The following ST3GAL3 variants were observed in gnomAD, a reference collection of about 807,000 sequenced individuals.
ST3GAL3 encodes ST3 beta-galactoside alpha-2,3-sialyltransferase 3.
In ST3GAL3, 21 loss-of-function variants were observed where a neutral mutation model predicts 50.1. That is an observed-to-expected ratio of 0.42 (90% CI 0.30 to 0.60). The LOEUF (loss-of-function observed/expected upper bound fraction) is 0.60, where lower values mean the gene tolerates loss of function less well. Ranked by LOEUF, ST3GAL3 falls within the 20% of genes least tolerant of loss-of-function variation. The pLI is 0.19. For synonymous variants in ST3GAL3, 183 were observed against 190.0 expected (o/e 0.96, Z 0.30); for missense variants, 353 against 489.4 (o/e 0.72, Z 2.63).
intron 2 of ST3GAL3, among the ~76,000 whole-genome samples, chr1:43,771,603 C>T (rs986921320): frequency 2.0e-5 from 3 of 152,074 alleles, no homozygotes; most frequent in Admixed American, 6.6e-5. Context: ...GTGATCTGCC[C>T]GCCTCGGCCT....
intron 5 of ST3GAL3, among the ~76,000 whole-genome samples, chr1:43,843,223 T>TA (rs1204850314): frequency 1.1e-4 from 17 of 152,252 alleles, no homozygotes; most frequent in Non-Finnish European, 1.6e-4. Flanking sequence ...TTTTCATAGA[T>TA]ACCATTTTTT....
In ST3GAL3 at chr1:43,899,694, G is replaced by A. The variant is rs763616499; in HGVS notation, c.711G>A (p.Lys237=). Residue 237 remains lysine, a synonymous_variant, in exon 9 of 12, where the codon AAG becomes AAA. Coordinates refer to ENST00000347631, the MANE Select transcript of ST3GAL3 (RefSeq NM_006279.5). This position sits in a 1 kb window ranked among gnomAD's most constrained non-coding sequence, Gnocchi z 5.4. ...VLAGFKWQDF[K]WLKYIVYKER... ...CCGGCTTCAAGTGGCAGGACTTTAAGTGGTTGAAATACATCGTCTACAAGG... is the reference window on the plus strand; with the variant it reads ...CCGGCTTCAAGTGGCAGGACTTTAAATGGTTGAAATACATCGTCTACAAGG... 9.3e-6 allele frequency: 15 copies of A among 1,613,998 alleles called. No individual in the cohort carries two copies. Among genetic ancestry groups the A allele is most frequent in the Admixed American group, 6.7e-5 (4 of 60,000 alleles).
chr1:43,848,963 G>A lies in ST3GAL3; in HGVS notation c.302+10652G>A, dbSNP rs376408491. Among the ~76,000 whole-genome samples the A allele has an allele frequency of 1.6e-4, 25 of 152,150 alleles. No individual in the cohort carries two copies. The East Asian group carries it at 3.1e-3, about 19-fold the overall frequency. On this transcript the variant is annotated intron_variant, in intron 5 of 11. Transcript: ENST00000347631. ...CATGTATATTATTATGTCAAATACT[G>A]TGTTTTTAATCTCTGTAGGTTCCAT...
intron 2 of ST3GAL3, among the ~76,000 whole-genome samples, chr1:43,787,392 A>G (rs550140347): frequency 1.2e-4 from 19 of 152,394 alleles, no homozygotes; most frequent in Non-Finnish European, 2.4e-4. Flanking sequence ...AGTGGTTTAT[A>G]ACTAAAATAA....
At chr1:43,908,564 T>G (rs1294781482) in intron 9 of ST3GAL3, among the ~76,000 whole-genome samples, 3 of 151,934 alleles carry the variant, frequency 2.0e-5, no homozygotes, top group Non-Finnish European at 2.9e-5. Context: ...AGGATAAAAC[T>G]TCAATTCCAC....
Position 43,920,848 on chromosome 1 carries a change from G to A in ST3GAL3, c.958G>A (p.Ala320Thr), listed in dbSNP as rs1557563410. ...ALHGCDEVAV[A>T]GFGYDMSTPN... ...ACACGGCTGTGACGAGGTGGCAGTC[G>A]CAGGATTTGGCTATGACATGAGCAC... The change falls in exon 11 of 12, where the codon GCA becomes ACA. Residue 320 changes from alanine to threonine, a missense_variant. Physicochemically the swap from Ala to Thr is moderately conservative, Grantham distance 58 (BLOSUM62 0). Coordinates refer to ENST00000347631, the MANE Select transcript of ST3GAL3 (RefSeq NM_006279.5). 4.3e-6 allele frequency: 7 copies of A among 1,613,864 alleles called. No individual in the cohort carries two copies. The highest frequency in any genetic ancestry group is 1.1e-5 in the South Asian group (1 of 91,058).
At chr1:43,901,594 A>G (rs1057240659) in intron 9 of ST3GAL3, among the ~76,000 whole-genome samples, 3 of 152,378 alleles carry the variant, frequency 2.0e-5, no homozygotes, top group African/African-American at 7.2e-5. Flanking sequence ...CAGGCTACTC[A>G]GGAAGCAGAC....
In ST3GAL3 at chr1:43,745,059, G is replaced by A. The variant is rs569444194; in HGVS notation, c.118+8679G>A. ...CATGCCTGTAATCCCAACACTTTGG[G>A]AGGGCTGACTTAAGGTCAGGAGTTT... is the stretch of plus-strand genomic sequence containing the variant. On this transcript the variant is annotated intron_variant, in intron 2 of 11. Coordinates refer to ENST00000347631, the MANE Select transcript of ST3GAL3 (RefSeq NM_006279.5). 6.1e-4 allele frequency among the ~76,000 whole-genome samples: 93 copies of A among 152,264 alleles called. 1 individual carries two copies. The highest frequency in any genetic ancestry group is 3.4e-3 in the Middle Eastern group (1 of 294).
At chr1:43,767,695 G>A (rs1693608766) in intron 2 of ST3GAL3, among the ~76,000 whole-genome samples, 1 of 151,252 alleles carries the variant, frequency 6.6e-6, no homozygotes, top group African/African-American at 2.4e-5. Flanking sequence ...GGTAGGGGAA[G>A]GATAGCATTA....
At chr1:43,912,493 A>G (rs2081105108) in intron 9 of ST3GAL3, 1 of 152,192 alleles carries the variant, frequency 6.6e-6, no homozygotes, top group Admixed American at 6.5e-5. Flanking sequence ...GAGAATGTCG[A>G]GATCAGATTT....
chr1:43,895,630 C>A (rs890972740), intron 6 of ST3GAL3, among the ~76,000 whole-genome samples: 2 of 152,122 alleles, frequency 1.3e-5, no homozygotes, highest in Admixed American at 6.5e-5. Flanking sequence ...TCAAGAATAC[C>A]TGAACCCTCT....
intron 5 of ST3GAL3, among the ~76,000 whole-genome samples, chr1:43,882,648 G>A (rs1447458276): frequency 6.6e-6 from 1 of 152,204 alleles, no homozygotes; most frequent in Non-Finnish European, 1.5e-5. Context: ...GATAGTAGAT[G>A]TTTTCGGCTT....
chr1:43,741,113 G>A (rs1033019149), intron 2 of ST3GAL3, among the ~76,000 whole-genome samples: 3 of 152,098 alleles, frequency 2.0e-5, no homozygotes, highest in Non-Finnish European at 2.9e-5. Flanking sequence ...GATTGCTTGA[G>A]CCCAGGAGTT....
chr1:43,709,683 A>G (rs572322578), intron 1 of ST3GAL3: 2 of 152,240 alleles, frequency 1.3e-5, no homozygotes, highest in East Asian at 3.9e-4. Context: ...TCTACCAAAA[A>G]AAAAATACAA....
At position 43,921,012 on chromosome 1, in the gene ST3GAL3, C is replaced by T; in HGVS notation, c.1038+84C>T. Reference sequence around the variant, plus strand: ...GAGTAGTAAAGGGAGGAGCCAGTGGCTGGTCTGGCTGCCCAGAACTCCCCA... The same window carrying T: ...GAGTAGTAAAGGGAGGAGCCAGTGGTTGGTCTGGCTGCCCAGAACTCCCCA... On this transcript the variant is annotated intron_variant, in intron 11 of 11. Transcript: ENST00000347631. The T allele has an allele frequency of 3.4e-6, 5 of 1,486,590 alleles. No individual in the cohort carries two copies. In the South Asian group the frequency reaches 6.2e-5, roughly 18 times the overall value. The allele number at this position is 1,486,590 out of a possible 1,614,324, so 92.1% of individuals were successfully genotyped here. A position where few individuals can be genotyped will look rare whatever the true frequency, so the allele number is the denominator to read the frequency against.
In ST3GAL3 at chr1:43,899,413, A is replaced by G. The variant is rs2077898453; in HGVS notation, c.558-128A>G. The G allele has an allele frequency of 1.3e-6, 2 of 1,574,974 alleles. No homozygotes were observed. Among genetic ancestry groups the G allele is most frequent in the African/African-American group, 2.7e-5 (2 of 74,124 alleles). ...TTGGAGGGCTTTGGAACAGACAACT[A>G]GCGGGGGCACCTGGGGAGAATAGGT... On this transcript the variant is annotated intron_variant, in intron 8 of 11. Transcript: ENST00000347631. This position sits in a 1 kb window ranked among gnomAD's most constrained non-coding sequence, Gnocchi z 5.4.
At chr1:43,745,821 G>T (rs1034515690) in intron 2 of ST3GAL3, among the ~76,000 whole-genome samples, 2 of 152,174 alleles carry the variant, frequency 1.3e-5, no homozygotes, top group African/African-American at 4.8e-5. Flanking sequence ...TAGAGACAGG[G>T]CTTCGCCATG....
chr1:43,869,207 TC>T (rs2072050894), intron 5 of ST3GAL3, among the ~76,000 whole-genome samples: 1 of 152,184 alleles, frequency 6.6e-6, no homozygotes, highest in African/African-American at 2.4e-5. Context: ...AAGATACTCA[TC>T]AGTAATTGGA....
At chr1:43,763,590 G>A (rs1171870557) in intron 2 of ST3GAL3, among the ~76,000 whole-genome samples, 1 of 152,140 alleles carries the variant, frequency 6.6e-6, no homozygotes, top group Non-Finnish European at 1.5e-5. Flanking sequence ...TTTTAATGGA[G>A]CTTTGATATG....
Sources: gnomAD v4.1 joint callset for allele counts (sites outside exome capture counted in the v4.1 genomes callset) on GRCh38, gnomAD v4.1.1 for gene constraint, Gnocchi (gnomAD v3.1) non-coding constraint, MANE v1.5 for transcripts, NCBI Gene and HGNC (gene_info 2026-07-23, HGNC 2026-07-21) for gene names.